FSTL5: variants seen among roughly 807,000 people sequenced by gnomAD.
FSTL5 encodes the protein follistatin-related protein 5.
A neutral mutation model predicts 89.1 loss-of-function variants in FSTL5; 62 were observed. That is an observed-to-expected ratio of 0.70 (90% CI 0.57 to 0.86). The LOEUF (loss-of-function observed/expected upper bound fraction) is 0.86, where lower values mean the gene tolerates loss of function less well. FSTL5 is among the 40% of genes least tolerant of loss of function. The probability of loss-of-function intolerance (pLI) is 0.00; values close to 1 mark genes in which losing one functional copy is unlikely to be tolerated. For synonymous variants in FSTL5, 383 were observed against 346.2 expected, an observed-to-expected ratio of 1.11 and a Z score of -1.18; for missense variants, 1,057 against 1,001.6, an observed-to-expected ratio of 1.06 and a Z score of -0.75.
At chr4:161,494,943 T>C (rs932630118) in intron 12 of FSTL5, among the ~76,000 whole-genome samples, 8 of 152,024 alleles carry the variant, frequency 5.3e-5, no homozygotes, top group African/African-American at 1.9e-4. Flanking sequence ...GCACTTGTAA[T>C]TTCAGCTACC....
intron 2 of FSTL5, among the ~76,000 whole-genome samples, chr4:162,052,591 A>G (rs1738413202): frequency 6.6e-6 from 1 of 151,758 alleles, no homozygotes; most frequent in African/African-American, 2.4e-5. Context: ...GATGACCATC[A>G]GAGTTTTCTG....
intron 6 of FSTL5, among the ~76,000 whole-genome samples, chr4:161,701,248 C>T (rs555192441): frequency 1.8e-4 from 27 of 152,210 alleles, no homozygotes; most frequent in African/African-American, 5.3e-4. Context: ...TGCGTTTTGA[C>T]GCATTCAAGT....
intron 4 of FSTL5, among the ~76,000 whole-genome samples, chr4:161,802,569 G>T (rs1729832061): frequency 2.0e-5 from 3 of 151,582 alleles, no homozygotes; most frequent in Admixed American, 2.0e-4. Context: ...CAATCCCATA[G>T]CATTAATTGT....
intron 8 of FSTL5, among the ~76,000 whole-genome samples, chr4:161,561,235 T>C (rs1732589951): frequency 6.6e-6 from 1 of 151,870 alleles, no homozygotes; most frequent in Non-Finnish European, 1.5e-5. Context: ...AGATAGATGA[T>C]AGACAGATAA....
At position 161,656,458 on chromosome 4, in the gene FSTL5, A is replaced by T; in HGVS notation, c.764T>A (p.Leu255Gln). 1 of 1,601,302 alleles carries T rather than the reference A, an allele frequency of 6.2e-7. No homozygotes were observed. The highest frequency in any genetic ancestry group is 8.5e-7 in the Non-Finnish European group (1 of 1,174,598). ...TCCCACAGTTGCTGCAGTGATGCTTAGTTTCTGATCTTCTGGCAGACTCAA... is the reference window on the plus strand; with the variant it reads ...TCCCACAGTTGCTGCAGTGATGCTTTGTTTCTGATCTTCTGGCAGACTCAA... Reference protein sequence around the residue: ...IQLSLPEDQKLSITAATVGQS... With the variant: ...IQLSLPEDQKQSITAATVGQS... Residue 255 changes from leucine to glutamine, a missense_variant, in exon 7 of 16, where the codon CTA (leucine) becomes CAA (glutamine). By Grantham distance (113) the Leu-to-Gln change is moderately radical (BLOSUM62 -2). This residue lies in a region of FSTL5 where 980 missense variants were observed against 903.2 expected (regional missense o/e 1.08). Coordinates refer to ENST00000306100, the MANE Select transcript of FSTL5 (RefSeq NM_020116.5).
At chr4:161,906,501 G>A (rs1428342971) in intron 4 of FSTL5, among the ~76,000 whole-genome samples, 1 of 152,030 alleles carries the variant, frequency 6.6e-6, no homozygotes, top group Non-Finnish European at 1.5e-5. Flanking sequence ...CAGTAGATTT[G>A]GCTATAAATG....
intron 3 of FSTL5, among the ~76,000 whole-genome samples, chr4:161,989,310 G>C (rs1736047815): frequency 6.6e-6 from 1 of 152,092 alleles, no homozygotes; most frequent in Non-Finnish European, 1.5e-5. Flanking sequence ...AATAGGAAAG[G>C]TCAGCCCATT....
chr4:162,142,583 C>CAA (rs1016788936), intron 1 of FSTL5, among the ~76,000 whole-genome samples: 1 of 152,012 alleles, frequency 6.6e-6, no homozygotes, highest in African/African-American at 2.4e-5. Flanking sequence ...GTGACAATAG[C>CAA]ACCATTCTTT....
intron 10 of FSTL5, among the ~76,000 whole-genome samples, chr4:161,519,776 T>A (rs2126513855): frequency 6.6e-6 from 1 of 152,254 alleles, no homozygotes; most frequent in East Asian, 1.9e-4. Context: ...TACAGATAAA[T>A]AGGGAAGAAA....
In FSTL5 at chr4:161,452,481, A is replaced by C. The variant is rs574821991; in HGVS notation, c.1841+2523T>G. On this transcript the variant is annotated intron_variant, in intron 15 of 15. Transcript: ENST00000306100. ...ACAGAGGGAGACTCTGTCTCAAAAAAAAAAAAGAAATATACTATATGAAAT... is the reference window on the plus strand; with the variant it reads ...ACAGAGGGAGACTCTGTCTCAAAAACAAAAAAGAAATATACTATATGAAAT... Among the ~76,000 whole-genome samples, 5 of 152,278 alleles carry C rather than the reference A, an allele frequency of 3.3e-5. No individual in the cohort carries two copies. The East Asian group carries it at 9.7e-4, about 29-fold the overall frequency.
At chr4:161,887,185 G>C (rs1432123116) in intron 4 of FSTL5, among the ~76,000 whole-genome samples, 1 of 152,008 alleles carries the variant, frequency 6.6e-6, no homozygotes, top group Non-Finnish European at 1.5e-5. Flanking sequence ...AGTTATTTAA[G>C]CACAAATAAA....
chr4:161,948,119 AT>A (rs200972370), intron 3 of FSTL5, among the ~76,000 whole-genome samples: 60 of 146,532 alleles, frequency 4.1e-4, no homozygotes, highest in Admixed American at 4.8e-4. Flanking sequence ...TCTACAGAAA[AT>A]TTAAAAAAAA....
At chr4:161,800,620 T>C (rs1729761138) in intron 4 of FSTL5, among the ~76,000 whole-genome samples, 1 of 151,624 alleles carries the variant, frequency 6.6e-6, no homozygotes, top group African/African-American at 2.4e-5. Flanking sequence ...AATTTAGATT[T>C]TGTTAGGTTG....
At chr4:162,061,150 G>A (rs529374053) in intron 2 of FSTL5, among the ~76,000 whole-genome samples, 1 of 152,136 alleles carries the variant, frequency 6.6e-6, no homozygotes, top group Non-Finnish European at 1.5e-5. Flanking sequence ...CAAAAGAGAT[G>A]AGTTATAATG....
intron 1 of FSTL5, among the ~76,000 whole-genome samples, chr4:162,150,085 ATT>A (rs967833291): frequency 4.6e-5 from 7 of 152,172 alleles, no homozygotes; most frequent in Non-Finnish European, 7.4e-5. Context: ...AGAATAATAT[ATT>A]TTGTTTGGAA....
chr4:161,878,504 C>G (rs1026864868), intron 4 of FSTL5, among the ~76,000 whole-genome samples: 1 of 151,980 alleles, frequency 6.6e-6, no homozygotes, highest in Non-Finnish European at 1.5e-5. Flanking sequence ...CTTTGATAAA[C>G]AGATAATAAG....
intron 8 of FSTL5, among the ~76,000 whole-genome samples, chr4:161,581,766 A>T (rs534817174): frequency 2.0e-5 from 3 of 152,252 alleles, no homozygotes; most frequent in Non-Finnish European, 4.4e-5. Context: ...AGTAGAAAAC[A>T]CATCCGCACA....
intron 3 of FSTL5, among the ~76,000 whole-genome samples, chr4:161,940,511 CAG>C (rs915491322): frequency 6.0e-5 from 9 of 151,114 alleles, no homozygotes; most frequent in African/African-American, 2.2e-4. Context: ...ATCCTGAAAA[CAG>C]AGAGAAACAA....
intron 1 of FSTL5, among the ~76,000 whole-genome samples, chr4:162,139,161 G>A (rs1732630420): frequency 6.6e-6 from 1 of 151,876 alleles, no homozygotes; most frequent in South Asian, 2.1e-4. Flanking sequence ...GTGAGGTCTG[G>A]GTTTCTAGTG....
Sources: gnomAD v4.1 joint callset for allele counts (sites outside exome capture counted in the v4.1 genomes callset) on GRCh38, gnomAD v4.1.1 for gene constraint, gnomAD v4.1.1 regional missense constraint, MANE v1.5 for transcripts, NCBI Gene and HGNC (gene_info 2026-07-23, HGNC 2026-07-21) for gene names.